The following TTC23 variants were observed in gnomAD, a reference collection of about 807,000 sequenced individuals.
TTC23 encodes the protein tetratricopeptide repeat domain 23.
A neutral mutation model predicts 55.1 loss-of-function variants in TTC23; 58 were observed. The ratio of observed to expected loss-of-function variants is 1.05; its 90% CI spans 0.85 to 1.31. The LOEUF is 1.31. Among genes scored for constraint, TTC23 ranks in the 50% most tolerant of loss-of-function variants. TTC23 has a pLI of 0.00. For missense variants in TTC23, 516 were observed against 534.4 expected, an observed-to-expected ratio of 0.97 and a Z score of 0.34; for synonymous variants, 203 against 199.9, an observed-to-expected ratio of 1.02 and a Z score of -0.13.
At chr15:99,180,638 C>T (rs2074025061) in intron 9 of TTC23, among the ~76,000 whole-genome samples, 1 of 152,218 alleles carries the variant, frequency 6.6e-6, no homozygotes, top group Non-Finnish European at 1.5e-5. Flanking sequence ...CATCTGAACA[C>T]TCAACTTCAA....
At chr15:99,190,417 C>T (rs917601772) in intron 9 of TTC23, among the ~76,000 whole-genome samples, 3 of 151,804 alleles carry the variant, frequency 2.0e-5, no homozygotes, top group African/African-American at 4.8e-5. Context: ...GAATTACAGG[C>T]GTGCATCACC....
intron 9 of TTC23, among the ~76,000 whole-genome samples, chr15:99,195,956 C>T (rs1035158021): frequency 2.6e-5 from 4 of 151,368 alleles, no homozygotes; most frequent in Non-Finnish European, 5.9e-5. Context: ...GAGTTCAAGA[C>T]CAGCCTGGCC....
At chr15:99,199,232 T>C (rs772335507) in intron 9 of TTC23, among the ~76,000 whole-genome samples, 2 of 152,066 alleles carry the variant, frequency 1.3e-5, no homozygotes, top group Non-Finnish European at 2.9e-5. Flanking sequence ...GAGTTTCCCC[T>C]GTGGATTCCA....
At chr15:99,179,007 G>C (rs1024502990) in intron 9 of TTC23, among the ~76,000 whole-genome samples, 1 of 152,098 alleles carries the variant, frequency 6.6e-6, no homozygotes, top group African/African-American at 2.4e-5. Context: ...GTCTTCCCTG[G>C]TCCAGGCTGT....
intron 4 of TTC23, among the ~76,000 whole-genome samples, chr15:99,234,780 T>TA (rs2079180999): frequency 1.3e-5 from 2 of 152,140 alleles, no homozygotes; most frequent in Admixed American, 6.6e-5. Context: ...AAATGCAAGT[T>TA]AAAACCACAA....
Position 99,137,864 on chromosome 15 carries a change from T to G in TTC23, c.*146A>C. Reference sequence around the variant, plus strand: ...AATGTGGCCCACGGGAGGCTTATGGTCTCACTGTTGCATGTTGGGGCCAAC... The same window carrying G: ...AATGTGGCCCACGGGAGGCTTATGGGCTCACTGTTGCATGTTGGGGCCAAC... On this transcript the variant is annotated 3_prime_UTR_variant, in exon 14 of 14. Coordinates refer to ENST00000394132, the MANE Select transcript of TTC23 (RefSeq NM_001288615.3). The G allele has an allele frequency of 7.6e-7, 1 of 1,312,858 alleles. No individual in the cohort carries two copies. Among genetic ancestry groups the G allele is most frequent in the Non-Finnish European group, 1.0e-6 (1 of 958,346 alleles). The allele number at this position is 1,312,858 out of a possible 1,614,324, so 81.3% of individuals were successfully genotyped here.
rs150753218 is a variant in TTC23 at position 99,148,028 on chromosome 15, G to A, written c.1143+8120C>T. The stretch of plus-strand genomic sequence containing the variant: ...GGAGGAATGGCTGGAATATAGCAGG[G>A]ACTCAATAGCCTATTCTCCAGTCTT... On this transcript the variant is annotated intron_variant, in intron 12 of 13. Coordinates refer to ENST00000394132, the MANE Select transcript of TTC23 (RefSeq NM_001288615.3). Among the ~76,000 whole-genome samples the A allele has an allele frequency of 1.3e-3, 199 of 152,124 alleles. 1 individual carries two copies. Among genetic ancestry groups the A allele is most frequent in the African/African-American group, 4.1e-3 (169 of 41,514 alleles).
intron 1 of TTC23, among the ~76,000 whole-genome samples, chr15:99,247,906 A>G (rs951037067): frequency 1.3e-5 from 2 of 152,184 alleles, no homozygotes; most frequent in Non-Finnish European, 2.9e-5. Context: ...CTTAAGACAA[A>G]TGAACTTTAT....
intron 2 of TTC23, among the ~76,000 whole-genome samples, chr15:99,244,752 T>C (rs552622284): frequency 3.0e-4 from 46 of 152,270 alleles, no homozygotes; most frequent in African/African-American, 1.1e-3. Flanking sequence ...ACTCAGCTGT[T>C]TTTTTGCAGA....
At chr15:99,138,188 T>C in intron 13 of TTC23, 61 bp from the exon 14 acceptor site, 2 of 1,592,482 alleles carry the variant, frequency 1.3e-6, no homozygotes, top group Non-Finnish European at 8.6e-7. Flanking sequence ...ACCGTTCCCA[T>C]CCAGCCTTTG....
intron 11 of TTC23, 121 bp downstream of exon 11, chr15:99,161,619 T>A: frequency 8.5e-7 from 1 of 1,179,112 alleles, no homozygotes; most frequent in Non-Finnish European, 1.2e-6. Context: ...TATGTGTCCC[T>A]CTAGAGACTG....
Position 99,156,172 on chromosome 15 carries a change from A to G in TTC23, c.1119T>C (p.Ser373=), listed in dbSNP as rs757392304. Residue 373 remains serine, a synonymous_variant, in exon 12 of 14, where the codon AGT becomes AGC. Coordinates refer to ENST00000394132, the MANE Select transcript of TTC23 (RefSeq NM_001288615.3). ...GGADLAQGNH[S]GARKKLKKCL... is the part of the protein sequence containing the mutation. ...CCTTCTTCAGTTTCTTGCGGGCCCC[A>G]CTGTGGTTCCCCTGCGCCAGGTCTG... The G allele has an allele frequency of 6.8e-6, 11 of 1,614,052 alleles. No individual in the cohort carries two copies. The highest frequency in any genetic ancestry group is 9.3e-6 in the Non-Finnish European group (11 of 1,180,030).
chr15:99,179,596 C>G (rs141560676), intron 9 of TTC23, among the ~76,000 whole-genome samples: 2 of 152,144 alleles, frequency 1.3e-5, no homozygotes, highest in African/African-American at 2.4e-5. Context: ...ACTGAGTGAA[C>G]GAAGCAACTT....
chr15:99,173,877 A>T (rs1596400315), intron 10 of TTC23, among the ~76,000 whole-genome samples: 1 of 152,194 alleles, frequency 6.6e-6, no homozygotes. Flanking sequence ...TGGTTCCTGT[A>T]GACATTTAGA....
At chr15:99,203,412 G>T (rs1047269000) in intron 8 of TTC23, among the ~76,000 whole-genome samples, 1 of 151,986 alleles carries the variant, frequency 6.6e-6, no homozygotes, top group Non-Finnish European at 1.5e-5. Flanking sequence ...CAAAGTTAAT[G>T]ATCGAATCAG....
rs2077700928 is a variant in TTC23 at position 99,219,067 on chromosome 15, A to T, written c.305-19T>A. The T allele has an allele frequency of 1.4e-5, 22 of 1,612,316 alleles. No homozygotes were observed. The highest frequency in any genetic ancestry group is 2.2e-5 in the South Asian group (2 of 90,908). On this transcript the variant is annotated intron_variant, in intron 6 of 13. Transcript: ENST00000394132. ...GACAGTCCTGTGGACAAAGAAAAAG[A>T]GGTCTCAGTTTCTCTATCATCTCAA... is the stretch of plus-strand genomic sequence containing the variant.
At chr15:99,217,389 C>T (rs888644498) in intron 8 of TTC23, among the ~76,000 whole-genome samples, 1 of 152,096 alleles carries the variant, frequency 6.6e-6, no homozygotes, top group Non-Finnish European at 1.5e-5. Context: ...GAACTCCTGA[C>T]CTCATGATCC....
chr15:99,192,105 A>G (rs184174368), intron 9 of TTC23, among the ~76,000 whole-genome samples: 4 of 152,304 alleles, frequency 2.6e-5, no homozygotes, highest in African/African-American at 9.6e-5. Context: ...CTAAGCAGCA[A>G]AGCATTCAAG....
chr15:99,171,641 CA>C (rs2072951310), intron 10 of TTC23, among the ~76,000 whole-genome samples: 1 of 140,768 alleles, frequency 7.1e-6, no homozygotes, highest in Admixed American at 7.3e-5. Flanking sequence ...CGGCTCACGG[CA>C]ACCTCTGCCT....
Sources: gnomAD v4.1 joint callset for allele counts (sites outside exome capture counted in the v4.1 genomes callset) on GRCh38, gnomAD v4.1.1 for gene constraint, MANE v1.5 for transcripts, NCBI Gene and HGNC (gene_info 2026-07-23, HGNC 2026-07-21) for gene names.